The following MAMLD1 variants were observed in gnomAD, a reference collection of about 807,000 sequenced individuals.
The protein encoded by MAMLD1 is mastermind like domain containing 1, also known as mastermind-like domain-containing protein 1.
A neutral mutation model predicts 45.0 loss-of-function variants in MAMLD1; 14 were observed. The ratio of observed to expected loss-of-function variants is 0.31; its 90% confidence interval spans 0.21 to 0.49. MAMLD1 has a LOEUF of 0.49. MAMLD1 is among the 20% of genes least tolerant of loss of function. The probability of loss-of-function intolerance (pLI) is 0.99; values close to 1 mark genes in which losing one functional copy is unlikely to be tolerated. For synonymous variants in MAMLD1, 254 were observed against 247.8 expected, an observed-to-expected ratio of 1.02 and a Z score of -0.24; for missense variants, 543 against 603.6, an observed-to-expected ratio of 0.90 and a Z score of 1.05.
intron 1 of MAMLD1, among the ~76,000 whole-genome samples, chrX:150,375,863 G>A (rs189014629): frequency 2.7e-4 from 30 of 112,123 alleles, no homozygotes; most frequent in Non-Finnish European, 4.9e-4. Flanking sequence ...GGTCCATCAC[G>A]TCATCAAACA....
intron 1 of MAMLD1, among the ~76,000 whole-genome samples, chrX:150,398,331 A>AGAAGAAGAAGAG (rs542084430): frequency 3.0e-5 from 2 of 66,988 alleles, no homozygotes; most frequent in Non-Finnish European, 6.0e-5. Context: ...AAGAAGAAGA[A>AGAAGAAGAAGAG]GAAGAAGAAG....
intron 1 of MAMLD1, among the ~76,000 whole-genome samples, chrX:150,432,773 T>C (rs2034996560): frequency 8.9e-6 from 1 of 112,383 alleles, no homozygotes; most frequent in African/African-American, 3.2e-5. Context: ...CACTGGTCTA[T>C]GTGCCTGTTA....
intron 1 of MAMLD1, among the ~76,000 whole-genome samples, chrX:150,399,759 T>A (rs2033670452): frequency 1.8e-5 from 2 of 112,079 alleles, no homozygotes; most frequent in South Asian, 7.5e-4. Flanking sequence ...AACATCTGGA[T>A]TTCAGACTTC....
chrX:150,416,374 G>A (rs2034249136), intron 1 of MAMLD1, among the ~76,000 whole-genome samples: 1 of 111,658 alleles, frequency 9.0e-6, no homozygotes, highest in African/African-American at 3.3e-5. Flanking sequence ...GAATCATATT[G>A]TTTTAACTGT....
At chrX:150,505,159 C>T (rs1328161142) in intron 6 of MAMLD1, 1 of 601,921 alleles carries the variant, frequency 1.7e-6, no homozygotes, top group South Asian at 8.7e-5. Flanking sequence ...TTTTGTGAAG[C>T]CCCCAGTGAC....
At chrX:150,428,945 A>G (rs140484570) in intron 1 of MAMLD1, among the ~76,000 whole-genome samples, 2,660 of 111,816 alleles carry the variant, frequency 0.024, 44 homozygotes, top group Middle Eastern at 0.068. Context: ...CATAAAATCA[A>G]TAGAGTGGAG....
rs782267395 is a variant in MAMLD1 at position 150,513,005 on chromosome X, CATGCTGCTGCTCAAA to C, written c.*1051_*1065del. On this transcript the variant is annotated 3_prime_UTR_variant, in exon 8 of 8. Coordinates refer to ENST00000370401, the MANE Select transcript of MAMLD1 (RefSeq NM_005491.5). ...GCTGATCGACGACATTTTGGAACAGCATGCTGCTGCTCAAAATGCCACAGCCCAGAATTCTGGGCA... is the reference window on the plus strand; with the variant it reads ...GCTGATCGACGACATTTTGGAACAGCATGCCACAGCCCAGAATTCTGGGCA... 3.5e-6 allele frequency: 4 copies of C among 1,151,963 alleles called. No individual in the cohort carries two copies. The East Asian group carries it at 1.3e-4, about 38-fold the overall frequency. 94.9% of individuals were successfully genotyped at this position (1,151,963 alleles called of 1,213,427 possible).
At chrX:150,401,992 A>C (rs1418234008) in intron 1 of MAMLD1, among the ~76,000 whole-genome samples, 1 of 111,974 alleles carries the variant, frequency 8.9e-6, no homozygotes, top group African/African-American at 3.3e-5. Flanking sequence ...AGGCATTACC[A>C]TTCAGGACAA....
At chrX:150,486,873 A>G (rs1187908791) in intron 5 of MAMLD1, among the ~76,000 whole-genome samples, 1 of 112,322 alleles carries the variant, frequency 8.9e-6, no homozygotes, top group Non-Finnish European at 1.9e-5. Flanking sequence ...TCCATATCAC[A>G]TCCTGCTGGA....
At chrX:150,439,282 T>G (rs1342324389) in intron 1 of MAMLD1, among the ~76,000 whole-genome samples, 2 of 112,148 alleles carry the variant, frequency 1.8e-5, no homozygotes, top group Non-Finnish European at 3.8e-5. Context: ...TTTCTCCCAT[T>G]CCGTAGGTCT....
upstream of MAMLD1, chrX:150,361,763 G>T (rs2030997050): frequency 8.8e-6 from 1 of 113,034 alleles, no homozygotes; most frequent in African/African-American, 3.2e-5. Context: ...CCGGGAGGTG[G>T]GATAGGTGGG....
chrX:150,485,646 C>A (rs1557407571), intron 5 of MAMLD1, among the ~76,000 whole-genome samples: 2 of 112,142 alleles, frequency 1.8e-5, no homozygotes, highest in African/African-American at 6.5e-5. Context: ...CCCAGAAATT[C>A]TTAATGTTAT....
upstream of MAMLD1, chrX:150,361,699 G>A (rs1007153084): frequency 5.3e-5 from 6 of 112,977 alleles, no homozygotes; most frequent in Admixed American, 2.8e-4. Context: ...GAGAAGTCCA[G>A]GTTAGGAAAC....
chrX:150,452,663 A>T (rs1336921199), intron 2 of MAMLD1, among the ~76,000 whole-genome samples: 2 of 108,385 alleles, frequency 1.8e-5, no homozygotes, highest in Admixed American at 2.0e-4. Flanking sequence ...CAGGTTAGTT[A>T]CATATGTATA....
At chrX:150,371,379 C>A (rs1042719163) in intron 1 of MAMLD1, among the ~76,000 whole-genome samples, 1 of 111,233 alleles carries the variant, frequency 9.0e-6, no homozygotes, top group Admixed American at 9.6e-5. Context: ...GCAGGCCAGC[C>A]GTTGATTTTT....
intron 1 of MAMLD1, among the ~76,000 whole-genome samples, chrX:150,390,903 C>T (rs782372521): frequency 8.9e-6 from 1 of 111,761 alleles, no homozygotes; most frequent in Non-Finnish European, 1.9e-5. Flanking sequence ...CCTTTATTTC[C>T]CCTTCATTAT....
upstream of MAMLD1, among the ~76,000 whole-genome samples, chrX:150,361,955 G>A (rs916520709): frequency 8.8e-6 from 1 of 113,047 alleles, no homozygotes; most frequent in Non-Finnish European, 1.9e-5. Context: ...CCAGTGGAAC[G>A]GGAGACTGGC....
At chrX:150,450,924 C>T (rs2035642657) in intron 2 of MAMLD1, among the ~76,000 whole-genome samples, 1 of 112,840 alleles carries the variant, frequency 8.9e-6, no homozygotes, top group Non-Finnish European at 1.9e-5. Flanking sequence ...CCTTTGCTCC[C>T]TCCTCCTTTT....
rs782258933 is a variant in MAMLD1, at chrX:150,475,421, C to T, written c.2040+1619C>T. On this transcript the variant is annotated intron_variant, in intron 5 of 7. Coordinates refer to ENST00000370401, the MANE Select transcript of MAMLD1 (RefSeq NM_005491.5). Reference sequence around the variant, plus strand: ...TTTTAAATGTGAGATGAGACACAAACGCTTGAGTAAGCTGAAAAGCCAAAT... The same window carrying T: ...TTTTAAATGTGAGATGAGACACAAATGCTTGAGTAAGCTGAAAAGCCAAAT... 1.7e-4 allele frequency among the ~76,000 whole-genome samples: 19 copies of T among 112,163 alleles called. No homozygotes were observed. The South Asian group carries it at 1.9e-3, about 11-fold the overall frequency.
Sources: allele counts gnomAD v4.1 joint callset (sites outside exome capture counted in the v4.1 genomes callset), GRCh38; gene constraint gnomAD v4.1.1; transcripts MANE v1.5; gene names NCBI Gene and HGNC (gene_info 2026-07-23, HGNC 2026-07-21).